The following ITSN1 variants were observed in gnomAD, a reference collection of about 807,000 sequenced individuals.
The protein encoded by ITSN1 is intersectin 1.
A neutral mutation model predicts 239.8 loss-of-function variants in ITSN1; 58 were observed. The ratio of observed to expected loss-of-function variants is 0.24; its 90% CI spans 0.20 to 0.30. The LOEUF (loss-of-function observed/expected upper bound fraction) is 0.30, where lower values mean the gene tolerates loss of function less well. Ranked by LOEUF, ITSN1 falls within the 10% of genes least tolerant of loss-of-function variation. The pLI is 1.00. For synonymous variants in ITSN1, 780 were observed against 770.8 expected (o/e 1.01, Z -0.20); for missense variants, 1,558 against 2,103.3 (o/e 0.74, Z 5.07).
chr21:33,781,177 T>C (rs1602197401), intron 14 of ITSN1, among the ~76,000 whole-genome samples: 1 of 152,244 alleles, frequency 6.6e-6, no homozygotes, highest in South Asian at 2.1e-4. Context: ...CTCTGTGGAG[T>C]AGTACTTAAT....
chr21:33,782,215 C>G, intron 16 of ITSN1, 82 bp downstream of exon 16: 1 of 1,330,874 alleles, frequency 7.5e-7, no homozygotes, highest in Non-Finnish European at 1.1e-6. Context: ...TATTTAATCA[C>G]AGGCAGAAAA....
intron 23 of ITSN1, among the ~76,000 whole-genome samples, 158 bp from the exon 24 acceptor site, chr21:33,819,083 A>T (rs1193979676): frequency 4.6e-5 from 2 of 43,354 alleles, no homozygotes. Flanking sequence ...CCTCTGTAGT[A>T]CCTTATTATG....
At chr21:33,660,980 G>A (rs568650780) in intron 1 of ITSN1, among the ~76,000 whole-genome samples, 3 of 152,096 alleles carry the variant, frequency 2.0e-5, no homozygotes, top group South Asian at 2.1e-4. Flanking sequence ...TCACAAAATC[G>A]TGTTTGTTAT....
At chr21:33,651,968 A>G (rs1410801372) in intron 1 of ITSN1, among the ~76,000 whole-genome samples, 7 of 152,266 alleles carry the variant, frequency 4.6e-5, no homozygotes, top group Non-Finnish European at 7.3e-5. Context: ...TTAAAAAATA[A>G]CATGTTTTTT....
At chr21:33,833,699 C>T (rs762764375) in intron 27 of ITSN1, among the ~76,000 whole-genome samples, 2 of 152,070 alleles carry the variant, frequency 1.3e-5, no homozygotes, top group Admixed American at 6.5e-5. Flanking sequence ...AACCCTGTCT[C>T]TACTAAAAAT....
At chr21:33,731,516 T>C (rs1368841115) in intron 4 of ITSN1, among the ~76,000 whole-genome samples, 1 of 152,160 alleles carries the variant, frequency 6.6e-6, no homozygotes, top group Admixed American at 6.5e-5. Context: ...AGTACAAAAA[T>C]AAAGCAACCA....
rs1012029662 is a variant in ITSN1 at position 33,801,032 on chromosome 21, A to G, written c.2304+1103A>G. ...ACCACAGGCGTGCACCACCATGCCC[A>G]GCTAATTTTTGTAATTTTTATAGAG... On this transcript the variant is annotated intron_variant, in intron 19 of 39. Coordinates refer to ENST00000381318, the MANE Select transcript of ITSN1 (RefSeq NM_003024.3). 3.3e-5 allele frequency among the ~76,000 whole-genome samples: 5 copies of G among 151,494 alleles called. No individual in the cohort carries two copies. In the East Asian group the frequency reaches 9.7e-4, roughly 29 times the overall value.
chr21:33,735,410 T>A, intron 5 of ITSN1: 1 of 639,136 alleles, frequency 1.6e-6, no homozygotes, highest in East Asian at 3.1e-5. Flanking sequence ...GTAATCAAAA[T>A]GAAAGCAGAG....
intron 1 of ITSN1, among the ~76,000 whole-genome samples, chr21:33,714,093 G>A (rs957451370): frequency 6.6e-6 from 1 of 151,794 alleles, no homozygotes; most frequent in Non-Finnish European, 1.5e-5. Context: ...GCCTCCCAAA[G>A]TGCTGGAATT....
chr21:33,691,678 A>T (rs1414743166), intron 1 of ITSN1, among the ~76,000 whole-genome samples: 2 of 152,212 alleles, frequency 1.3e-5, no homozygotes, highest in Non-Finnish European at 2.9e-5. Flanking sequence ...TATTTCTTAT[A>T]GTTCTGGAGG....
chr21:33,830,235 C>T (rs949746238), intron 27 of ITSN1, among the ~76,000 whole-genome samples: 3 of 152,238 alleles, frequency 2.0e-5, no homozygotes, highest in Non-Finnish European at 4.4e-5. Context: ...CCAGATACTT[C>T]CTATAAGTCT....
At chr21:33,836,989 A>C in intron 29 of ITSN1, 2 of 1,612,628 alleles carry the variant, frequency 1.2e-6, no homozygotes, top group Non-Finnish European at 1.7e-6. Context: ...TTTTCTAGGA[A>C]TCATATGTTG....
chr21:33,690,780 TATATATATAC>T (rs1224082918), intron 1 of ITSN1, among the ~76,000 whole-genome samples: 1 of 12,796 alleles, frequency 7.8e-5, no homozygotes, highest in African/African-American at 9.1e-4. Flanking sequence ...AAAGTGTATA[TATATATATAC>T]ATATATATAT....
intron 1 of ITSN1, among the ~76,000 whole-genome samples, chr21:33,651,839 C>A (rs1247324090): frequency 6.6e-6 from 1 of 152,172 alleles, no homozygotes; most frequent in Non-Finnish European, 1.5e-5. Flanking sequence ...CTGCAGTAAT[C>A]GTAACCTTAC....
intron 22 of ITSN1, 84 bp from the exon 23 acceptor site, chr21:33,818,183 T>C (rs2073413872): frequency 8.9e-7 from 1 of 1,129,688 alleles, no homozygotes; most frequent in Non-Finnish European, 1.3e-6. Flanking sequence ...CCTGTGCTTG[T>C]TGGAGAGGTG....
rs752690648 is a variant in ITSN1, at chr21:33,876,153, C to CTTTCTT, written c.4341+633_4341+634insTTCTTT. On this transcript the variant is annotated intron_variant, in intron 34 of 39. Transcript: ENST00000381318. Reference sequence around the variant, plus strand: ...TCTTTCTTTCTTTCTTTCTTTCTTTCTCTCTCTCCCTCTTTCTTTCTTTCC... The same window carrying CTTTCTT: ...TCTTTCTTTCTTTCTTTCTTTCTTTCTTTCTTTCTCTCTCCCTCTTTCTTTCTTTCC... Among the ~76,000 whole-genome samples, 4 of 124,730 alleles carry CTTTCTT rather than the reference C, an allele frequency of 3.2e-5. No homozygotes were observed. In the East Asian group the frequency reaches 9.2e-4, roughly 29 times the overall value. The allele number at this position is 124,730 out of a possible 152,430, so 81.8% of individuals were successfully genotyped here.
chr21:33,653,476 C>A (rs888840221), intron 1 of ITSN1, among the ~76,000 whole-genome samples: 1 of 152,094 alleles, frequency 6.6e-6, no homozygotes, highest in African/African-American at 2.4e-5. Context: ...TTATAAAGGA[C>A]CATTTTCATT....
At chr21:33,690,345 A>G (rs1324922078) in intron 1 of ITSN1, among the ~76,000 whole-genome samples, 1 of 151,860 alleles carries the variant, frequency 6.6e-6, no homozygotes, top group Admixed American at 6.6e-5. Flanking sequence ...TCACCCTGTA[A>G]TCCCAGCACT....
intron 1 of ITSN1, among the ~76,000 whole-genome samples, chr21:33,681,254 G>A (rs1210779457): frequency 6.6e-6 from 1 of 152,198 alleles, no homozygotes; most frequent in Non-Finnish European, 1.5e-5. Context: ...GGGTATTGAA[G>A]CTGAGAGGTT....
Sources: allele counts gnomAD v4.1 joint callset (sites outside exome capture counted in the v4.1 genomes callset), GRCh38; gene constraint gnomAD v4.1.1; transcripts MANE v1.5; gene names NCBI Gene and HGNC (gene_info 2026-07-23, HGNC 2026-07-21).